Variants in MYT1L observed in about 807,000 individuals in gnomAD.
MYT1L encodes the protein myelin transcription factor 1-like protein.
In MYT1L, 12 loss-of-function variants were observed where a neutral mutation model predicts 126.7. The ratio of observed to expected loss-of-function variants is 0.09; its 90% CI spans 0.06 to 0.15. MYT1L has a LOEUF of 0.15. Ranked by LOEUF, MYT1L falls within the 10% of genes least tolerant of loss-of-function variation. MYT1L has a pLI of 1.00. For synonymous variants in MYT1L, 541 were observed against 604.2 expected (o/e 0.90, Z 1.53); for missense variants, 979 against 1,585.2 (o/e 0.62, Z 6.49).
chr2:2,004,880 G>T (rs1307098539), intron 4 of MYT1L, among the ~76,000 whole-genome samples: 2 of 142,764 alleles, frequency 1.4e-5, no homozygotes, highest in African/African-American at 5.3e-5. Flanking sequence ...TCCTGTAGGA[G>T]TTCTTTCCTG....
At chr2:1,907,696 T>C (rs1183310658) in intron 13 of MYT1L, among the ~76,000 whole-genome samples, 3 of 152,282 alleles carry the variant, frequency 2.0e-5, no homozygotes, top group Non-Finnish European at 2.9e-5. Context: ...GAACGATTTA[T>C]TTAAAGACTT....
intron 3 of MYT1L, among the ~76,000 whole-genome samples, chr2:2,090,201 A>G (rs1310288518): frequency 6.6e-6 from 1 of 152,182 alleles, no homozygotes; most frequent in Non-Finnish European, 1.5e-5. Context: ...TTTGTCAATC[A>G]ATCAAAACAT....
chr2:1,893,938 A>G (rs1162900622), intron 14 of MYT1L, among the ~76,000 whole-genome samples: 1 of 152,192 alleles, frequency 6.6e-6, no homozygotes, highest in Non-Finnish European at 1.5e-5. Context: ...GACAGTGCCC[A>G]GGCTGGGAGT....
At chr2:2,290,944 C>T (rs2095589997) in intron 1 of MYT1L, among the ~76,000 whole-genome samples, 1 of 152,048 alleles carries the variant, frequency 6.6e-6, no homozygotes, top group South Asian at 2.1e-4. Context: ...CTTCAAAACA[C>T]AACCACTTCC....
In MYT1L at chr2:1,943,431, A is replaced by G; in HGVS notation, c.153-97T>C. 4 of 1,334,406 alleles carry G rather than the reference A, an allele frequency of 3.0e-6. No individual in the cohort carries two copies. Among genetic ancestry groups the G allele is most frequent in the South Asian group, 3.2e-5 (2 of 63,462 alleles). 82.7% of individuals were successfully genotyped at this position (1,334,406 alleles called of 1,614,324 possible). The stretch of plus-strand genomic sequence containing the variant: ...GACCAATGGGGGCCTTGATCAAGGT[A>G]CTTAAAGGCTTATCATGAATGTCAT... On this transcript the variant is annotated intron_variant, in intron 8 of 24. Coordinates refer to ENST00000647738, the MANE Select transcript of MYT1L (RefSeq NM_001303052.2). This position sits in a 1 kb window ranked among gnomAD's most constrained non-coding sequence, Gnocchi z 4.4.
intron 1 of MYT1L, among the ~76,000 whole-genome samples, chr2:2,295,311 A>G (rs763402492): frequency 5.9e-5 from 9 of 152,174 alleles, no homozygotes; most frequent in Non-Finnish European, 1.2e-4. Flanking sequence ...CAAGGGCAAT[A>G]CACCTGGAAC....
At chr2:2,114,098 G>C (rs2079878208) in intron 3 of MYT1L, among the ~76,000 whole-genome samples, 1 of 152,160 alleles carries the variant, frequency 6.6e-6, no homozygotes, top group Non-Finnish European at 1.5e-5. Flanking sequence ...AGACTCAGAG[G>C]TTTTATGTGT....
chr2:1,822,309 G>A (rs2038656954), intron 21 of MYT1L, among the ~76,000 whole-genome samples: 5 of 152,234 alleles, frequency 3.3e-5, no homozygotes, highest in Admixed American at 3.3e-4. Flanking sequence ...TTAAGATTTA[G>A]TGGAGATATA....
chr2:2,021,924 A>C (rs568138550), intron 4 of MYT1L, among the ~76,000 whole-genome samples: 1 of 152,306 alleles, frequency 6.6e-6, no homozygotes, highest in South Asian at 2.1e-4. Flanking sequence ...GTGTAAGTTT[A>C]CTGAGATGCC....
chr2:1,963,681 G>A (rs2059131991), intron 8 of MYT1L, among the ~76,000 whole-genome samples: 1 of 152,162 alleles, frequency 6.6e-6, no homozygotes, highest in Admixed American at 6.5e-5. Flanking sequence ...TTTAAGTTAT[G>A]GAGACAGATT....
At chr2:2,098,318 T>C (rs2077675263) in intron 3 of MYT1L, among the ~76,000 whole-genome samples, 1 of 152,202 alleles carries the variant, frequency 6.6e-6, no homozygotes, top group African/African-American at 2.4e-5. Flanking sequence ...ATTTATGCTT[T>C]TTAAAGGGTC....
intron 3 of MYT1L, among the ~76,000 whole-genome samples, chr2:2,149,787 AG>A (rs2085453684): frequency 6.6e-6 from 1 of 151,834 alleles, no homozygotes; most frequent in South Asian, 2.1e-4. Flanking sequence ...CTGCCATCCC[AG>A]GTCTGCATTT....
chr2:2,156,394 C>T (rs2086736701), intron 3 of MYT1L, among the ~76,000 whole-genome samples: 1 of 152,206 alleles, frequency 6.6e-6, no homozygotes, highest in Non-Finnish European at 1.5e-5. Flanking sequence ...GGGGAGAGAA[C>T]TGAGTGTGCA....
intron 8 of MYT1L, among the ~76,000 whole-genome samples, chr2:1,960,883 C>T (rs2058908477): frequency 6.6e-6 from 1 of 152,244 alleles, no homozygotes; most frequent in Non-Finnish European, 1.5e-5. Context: ...GCACCCGCCT[C>T]CCTGGACCCT....
intron 9 of MYT1L, among the ~76,000 whole-genome samples, chr2:1,942,461 A>C (rs1355266769): frequency 1.3e-5 from 2 of 152,136 alleles, no homozygotes; most frequent in African/African-American, 4.8e-5. Flanking sequence ...ACTTCCTTTC[A>C]TCCCAATTAT....
intron 4 of MYT1L, among the ~76,000 whole-genome samples, chr2:2,028,127 A>G (rs1316240546): frequency 6.6e-6 from 1 of 152,240 alleles, no homozygotes; most frequent in Non-Finnish European, 1.5e-5. Context: ...CTGCTCCTTC[A>G]GGCAAGCACA....
chr2:2,242,258 A>C (rs2094454016), intron 2 of MYT1L, among the ~76,000 whole-genome samples: 1 of 152,238 alleles, frequency 6.6e-6, no homozygotes, highest in South Asian at 2.1e-4. Flanking sequence ...AATCTCTGCA[A>C]AGGAGCGCAG....
At chr2:2,076,424 A>G (rs1302005647) in intron 3 of MYT1L, among the ~76,000 whole-genome samples, 1 of 152,202 alleles carries the variant, frequency 6.6e-6, no homozygotes, top group Non-Finnish European at 1.5e-5. Context: ...GGCATTTAAT[A>G]AAATCCTCTG....
intron 1 of MYT1L, among the ~76,000 whole-genome samples, chr2:2,293,660 G>A (rs2095632309): frequency 1.3e-5 from 2 of 152,190 alleles, no homozygotes; most frequent in African/African-American, 4.8e-5. Flanking sequence ...TAGGTGCGCA[G>A]GGCCAAAGCT....
Sources: allele counts gnomAD v4.1 joint callset (sites outside exome capture counted in the v4.1 genomes callset), GRCh38; gene constraint gnomAD v4.1.1; non-coding constraint Gnocchi (gnomAD v3.1); transcripts MANE v1.5; gene names NCBI Gene and HGNC (gene_info 2026-07-23, HGNC 2026-07-21).